DNAH6: variants seen among roughly 807,000 people sequenced by gnomAD.
DNAH6 encodes the protein dynein axonemal heavy chain 6, also known as axonemal beta dynein heavy chain 6.
A neutral mutation model predicts 491.4 loss-of-function variants in DNAH6; 340 were observed. The ratio of observed to expected loss-of-function variants is 0.69; its 90% CI spans 0.63 to 0.76. The LOEUF (loss-of-function observed/expected upper bound fraction) is 0.76, where lower values mean the gene tolerates loss of function less well. DNAH6 is among the 30% of genes least tolerant of loss of function. The pLI is 0.00. For synonymous variants in DNAH6, 1,603 were observed against 1,686.1 expected (o/e 0.95, Z 1.21); for missense variants, 4,443 against 4,972.2 (o/e 0.89, Z 3.20).
chr2:84,662,753 A>G (rs1240710134), intron 37 of DNAH6, among the ~76,000 whole-genome samples: 1 of 152,184 alleles, frequency 6.6e-6, no homozygotes, highest in African/African-American at 2.4e-5. Context: ...TGAAGAGAGT[A>G]GTGGTTCTCC....
At chr2:84,794,315 A>G (rs1198333988) in intron 68 of DNAH6, among the ~76,000 whole-genome samples, 2 of 151,994 alleles carry the variant, frequency 1.3e-5, no homozygotes, top group Non-Finnish European at 2.9e-5. Context: ...AGAAAAGCCA[A>G]AATTGACAAA....
At chr2:84,645,114 G>T (rs190701180) in intron 33 of DNAH6, among the ~76,000 whole-genome samples, 1 of 151,182 alleles carries the variant, frequency 6.6e-6, no homozygotes, top group African/African-American at 2.4e-5. Flanking sequence ...GTTTTTTTTC[G>T]ACTTTTTAGT....
At chr2:84,633,213 G>A (rs1023692624) in intron 29 of DNAH6, among the ~76,000 whole-genome samples, 1 of 152,094 alleles carries the variant, frequency 6.6e-6, no homozygotes, top group African/African-American at 2.4e-5. Flanking sequence ...TTGAATCTCG[G>A]CGACTGAAGT....
intron 37 of DNAH6, among the ~76,000 whole-genome samples, chr2:84,666,507 T>C (rs1397620101): frequency 6.6e-6 from 1 of 152,074 alleles, no homozygotes; most frequent in Non-Finnish European, 1.5e-5. Flanking sequence ...TCACAATTGC[T>C]TCAAAGAGAA....
At chr2:84,757,276 G>A (rs1229549296) in intron 63 of DNAH6, among the ~76,000 whole-genome samples, 1 of 152,144 alleles carries the variant, frequency 6.6e-6, no homozygotes, top group African/African-American at 2.4e-5. Context: ...GGAACCTACA[G>A]CAGCACAGTA....
At chr2:84,681,578 A>G (rs1038039796) in intron 42 of DNAH6, 50 bp downstream of exon 42, 3 of 1,413,080 alleles carry the variant, frequency 2.1e-6, no homozygotes, top group African/African-American at 1.5e-5. Flanking sequence ...CTACTTTTCC[A>G]TTGGCCCCCA....
At chr2:84,459,649 C>G in the DNAH6 span, 1 of 213,962 alleles carries the variant, frequency 4.7e-6, no homozygotes, top group Non-Finnish European at 9.7e-6. Flanking sequence ...GACTTGAAGA[C>G]TAGGAGGGAA....
At chr2:84,686,143 G>T (rs1399868915) in intron 43 of DNAH6, among the ~76,000 whole-genome samples, 1 of 150,242 alleles carries the variant, frequency 6.7e-6, no homozygotes, top group Non-Finnish European at 1.5e-5. Context: ...AGCCGAGATC[G>T]CATCATTGCA....
At chr2:84,606,781 C>T (rs1486103164) in intron 20 of DNAH6, among the ~76,000 whole-genome samples, 195 bp from the exon 21 acceptor site, 1 of 151,972 alleles carries the variant, frequency 6.6e-6, no homozygotes, top group Admixed American at 6.6e-5. Context: ...TCCTAGGTGA[C>T]CTTTGAAAGA....
At chr2:84,491,908 T>C in the DNAH6 span, among the ~76,000 whole-genome samples, 1 of 152,326 alleles carries the variant, frequency 6.6e-6, no homozygotes, top group East Asian at 1.9e-4. Flanking sequence ...TTGATCTGGC[T>C]GGGCCACTTA....
rs1008101188 is a variant in DNAH6, at chr2:84,611,842, G to A, written c.3463G>A (p.Ala1155Thr). ...VNRLPNALRA[A>T]TQPGLLETFQ... ...TCGGCTGCCTAATGCTCTTCGAGCCGCTACTCAGCCAGGTATGAAACAAAA... is the reference window on the plus strand; with the variant it reads ...TCGGCTGCCTAATGCTCTTCGAGCCACTACTCAGCCAGGTATGAAACAAAA... Residue 1155 changes from alanine to threonine, a missense_variant, in exon 22 of 77, where the codon GCT becomes ACT. Ala to Thr is a moderately conservative substitution (Grantham distance 58). Coordinates refer to ENST00000389394, the MANE Select transcript of DNAH6 (RefSeq NM_001370.2). 2.2e-5 allele frequency: 34 copies of A among 1,550,342 alleles called. No homozygotes were observed. The highest frequency in any genetic ancestry group is 2.5e-5 in the Non-Finnish European group (29 of 1,146,232).
intron 11 of DNAH6, among the ~76,000 whole-genome samples, chr2:84,561,279 C>T (rs1199044327): frequency 6.6e-6 from 1 of 152,140 alleles, no homozygotes; most frequent in Admixed American, 6.5e-5. Context: ...GAAAAACAAG[C>T]AATGGGGAAA....
rs1302787281 is a variant in DNAH6 at position 84,707,734 on chromosome 2, C to T, written c.9048+18C>T. On this transcript the variant is annotated intron_variant, in intron 54 of 76. Transcript: ENST00000389394. ...GGCAGTCAGTGAGTAACCCTGCTTT[C>T]TGTAAGGAGGGGTAAGAAGCAGCTG... 1 of 1,545,174 alleles carries T rather than the reference C, an allele frequency of 6.5e-7. No individual in the cohort carries two copies. The highest frequency in any genetic ancestry group is 1.4e-5 in the African/African-American group (1 of 72,872).
chr2:84,592,891 T>TA (rs1573138445), intron 16 of DNAH6, among the ~76,000 whole-genome samples: 1 of 152,120 alleles, frequency 6.6e-6, no homozygotes, highest in African/African-American at 2.4e-5. Flanking sequence ...CAAACTCATA[T>TA]AAGCAGAAAG....
At chr2:84,490,522 A>C in the DNAH6 span, among the ~76,000 whole-genome samples, 1 of 151,980 alleles carries the variant, frequency 6.6e-6, no homozygotes, top group Admixed American at 6.6e-5. Context: ...CTATTGCTAT[A>C]GTTTTGCCTT....
chr2:84,810,269 AT>A (rs1353438638), intron 72 of DNAH6, among the ~76,000 whole-genome samples: 1 of 152,160 alleles, frequency 6.6e-6, no homozygotes, highest in East Asian at 1.9e-4. Flanking sequence ...AACAAGGGAG[AT>A]GTTACACTCG....
intron 68 of DNAH6, among the ~76,000 whole-genome samples, chr2:84,795,247 G>A (rs1316157456): frequency 3.3e-5 from 5 of 151,662 alleles, no homozygotes; most frequent in Non-Finnish European, 7.4e-5. Flanking sequence ...CAGCACACCA[G>A]CATGGCACAT....
chr2:84,698,638 T>C (rs1193462705), intron 47 of DNAH6, among the ~76,000 whole-genome samples: 2 of 152,212 alleles, frequency 1.3e-5, no homozygotes, highest in African/African-American at 2.4e-5. Context: ...CAGGATAGTT[T>C]ATCAAAGAAC....
intron 29 of DNAH6, among the ~76,000 whole-genome samples, chr2:84,634,033 T>A (rs1688642896): frequency 6.6e-6 from 1 of 152,228 alleles, no homozygotes; most frequent in Non-Finnish European, 1.5e-5. Flanking sequence ...AGGATTCTGC[T>A]GTAGAAGAAA....
Sources: allele counts gnomAD v4.1 joint callset (sites outside exome capture counted in the v4.1 genomes callset), GRCh38; gene constraint gnomAD v4.1.1; transcripts MANE v1.5; gene names NCBI Gene and HGNC (gene_info 2026-07-23, HGNC 2026-07-21).